LRRC4C: variants seen among roughly 807,000 people sequenced by gnomAD.
LRRC4C encodes leucine-rich repeat-containing protein 4C.
LRRC4C carries 5 observed loss-of-function variants against 33.6 expected under a neutral mutation model. That is an observed-to-expected ratio of 0.15 (90% CI 0.08 to 0.31). The LOEUF (loss-of-function observed/expected upper bound fraction) is 0.31, where lower values mean the gene tolerates loss of function less well. Ranked by LOEUF, LRRC4C falls within the 10% of genes least tolerant of loss-of-function variation. LRRC4C has a pLI of 1.00. For synonymous variants in LRRC4C, 329 were observed against 302.0 expected (o/e 1.09, Z -0.93); for missense variants, 560 against 796.7 (o/e 0.70, Z 3.58).
At chr11:41,154,697 C>A (rs1417039668) in intron 1 of LRRC4C, among the ~76,000 whole-genome samples, 2 of 152,112 alleles carry the variant, frequency 1.3e-5, no homozygotes, top group African/African-American at 2.4e-5. Context: ...TAATTGATAT[C>A]ATTGGCAAGA....
chr11:40,813,922 C>G (rs970326810), intron 2 of LRRC4C, among the ~76,000 whole-genome samples: 3 of 152,186 alleles, frequency 2.0e-5, no homozygotes, highest in African/African-American at 7.2e-5. Context: ...CATGTTGATG[C>G]AAGAGGTGGT....
intron 1 of LRRC4C, among the ~76,000 whole-genome samples, chr11:41,289,010 A>T (rs1290822288): frequency 6.6e-6 from 1 of 152,138 alleles, no homozygotes; most frequent in Non-Finnish European, 1.5e-5. Context: ...ACTAGGGATC[A>T]TAATTGTACC....
intron 4 of LRRC4C, among the ~76,000 whole-genome samples, chr11:40,295,658 C>A (rs1944474931): frequency 6.6e-6 from 1 of 152,172 alleles, no homozygotes; most frequent in Admixed American, 6.5e-5. Context: ...CTGTAACGTG[C>A]ATCTCAGATG....
chr11:40,556,634 AC>A (rs1239634611), intron 3 of LRRC4C, among the ~76,000 whole-genome samples: 1 of 152,130 alleles, frequency 6.6e-6, no homozygotes, highest in Non-Finnish European at 1.5e-5. Flanking sequence ...TGGATGATCT[AC>A]CAGGCAGTTC....
intron 1 of LRRC4C, among the ~76,000 whole-genome samples, chr11:41,333,494 T>C (rs1018149813): frequency 1.3e-5 from 2 of 152,180 alleles, no homozygotes; most frequent in Non-Finnish European, 2.9e-5. Flanking sequence ...CATTCATTTA[T>C]GTAATTTATG....
intron 2 of LRRC4C, among the ~76,000 whole-genome samples, chr11:40,818,051 A>G (rs1951777845): frequency 6.6e-6 from 1 of 152,100 alleles, no homozygotes; most frequent in Non-Finnish European, 1.5e-5. Flanking sequence ...CCTTGTTTAA[A>G]CAAGATTTCT....
chr11:40,793,790 A>C (rs570089387), intron 2 of LRRC4C, among the ~76,000 whole-genome samples: 4 of 152,346 alleles, frequency 2.6e-5, no homozygotes, highest in African/African-American at 7.2e-5. Flanking sequence ...GTGGTAATAT[A>C]AATCATTTTC....
At chr11:41,153,279 A>G (rs1027129136) in intron 1 of LRRC4C, among the ~76,000 whole-genome samples, 2 of 152,172 alleles carry the variant, frequency 1.3e-5, no homozygotes, top group African/African-American at 2.4e-5. Flanking sequence ...ACATGCATCA[A>G]TCAACTGAGT....
intron 2 of LRRC4C, among the ~76,000 whole-genome samples, chr11:40,667,534 T>C (rs1943879292): frequency 6.6e-6 from 1 of 152,214 alleles, no homozygotes; most frequent in South Asian, 2.1e-4. Context: ...ACTTTTTTGT[T>C]GTGTTACCTT....
intron 1 of LRRC4C, among the ~76,000 whole-genome samples, chr11:41,164,860 G>C (rs1449667589): frequency 6.6e-6 from 1 of 152,092 alleles, no homozygotes; most frequent in East Asian, 1.9e-4. Context: ...CATAATCTAA[G>C]CCCAGGTCAT....
intron 3 of LRRC4C, among the ~76,000 whole-genome samples, chr11:40,577,148 T>C (rs1958226611): frequency 6.6e-6 from 1 of 152,190 alleles, no homozygotes; most frequent in African/African-American, 2.4e-5. Context: ...CATGAACTTG[T>C]GACACTAGGA....
intron 1 of LRRC4C, among the ~76,000 whole-genome samples, chr11:41,124,987 G>C (rs750933531): frequency 6.6e-6 from 1 of 152,168 alleles, no homozygotes; most frequent in African/African-American, 2.4e-5. Context: ...ACCAGTTATC[G>C]GTTTGAGAGT....
intron 1 of LRRC4C, among the ~76,000 whole-genome samples, chr11:41,450,166 C>CAT (rs1955972268): frequency 6.6e-6 from 1 of 152,104 alleles, no homozygotes; most frequent in African/African-American, 2.4e-5. Flanking sequence ...CCCTCTAGAA[C>CAT]ATAACACTAG....
chr11:40,458,744 T>C (rs1174351904), intron 3 of LRRC4C, among the ~76,000 whole-genome samples: 1 of 152,182 alleles, frequency 6.6e-6, no homozygotes, highest in East Asian at 1.9e-4. Flanking sequence ...CAAATCACTT[T>C]GGAAATCCAA....
chr11:40,497,624 A>C (rs1198894102), intron 3 of LRRC4C, among the ~76,000 whole-genome samples: 1 of 152,194 alleles, frequency 6.6e-6, no homozygotes, highest in African/African-American at 2.4e-5. Flanking sequence ...CAAACTTTAC[A>C]GCTGGATTTT....
chr11:41,405,127 T>C lies in LRRC4C; in HGVS notation c.-496+54304A>G, dbSNP rs572261822. ...AGCTTTTTGGAAGTTCATATGATGC[T>C]TTCAAACAAAATAAACTGATAATAG... On this transcript the variant is annotated intron_variant, in intron 1 of 6. Transcript: ENST00000528697. Among the ~76,000 whole-genome samples the C allele has an allele frequency of 2.0e-5, 3 of 152,146 alleles. No individual in the cohort carries two copies. The South Asian group carries it at 6.2e-4, about 31-fold the overall frequency.
At chr11:40,210,988 G>A (rs376062893) in intron 5 of LRRC4C, among the ~76,000 whole-genome samples, 6 of 152,044 alleles carry the variant, frequency 3.9e-5, no homozygotes, top group Non-Finnish European at 7.4e-5. Context: ...TGTTGGCCAG[G>A]TTGGTTTCAA....
intron 6 of LRRC4C, among the ~76,000 whole-genome samples, 181 bp downstream of exon 6, chr11:40,140,620 G>A (rs1857295871): frequency 6.6e-6 from 1 of 152,090 alleles, no homozygotes. Flanking sequence ...CTATATTGCG[G>A]CTTATTTTTT....
intron 2 of LRRC4C, among the ~76,000 whole-genome samples, chr11:40,667,779 C>T (rs976289647): frequency 1.3e-5 from 2 of 152,166 alleles, no homozygotes; most frequent in African/African-American, 4.8e-5. Flanking sequence ...TTGAAGAAGA[C>T]TCCAAACTTC....
Sources: gnomAD v4.1 joint callset for allele counts (sites outside exome capture counted in the v4.1 genomes callset) on GRCh38, gnomAD v4.1.1 for gene constraint, MANE v1.5 for transcripts, NCBI Gene and HGNC (gene_info 2026-07-23, HGNC 2026-07-21) for gene names.